CABP7: variants seen among roughly 807,000 people sequenced by gnomAD.
CABP7 encodes the protein calcium binding protein 7.
CABP7 carries 13 observed loss-of-function variants against 23.1 expected under a neutral mutation model. The observed-to-expected ratio is 0.56, with a 90% CI of 0.37 to 0.90. The LOEUF is 0.90. Among genes scored for constraint, CABP7 ranks in the 40% least tolerant of loss-of-function variants. The probability of loss-of-function intolerance (pLI) is 0.01; values close to 1 mark genes in which losing one functional copy is unlikely to be tolerated. For synonymous variants in CABP7, 123 were observed against 115.3 expected (o/e 1.07, Z -0.43); for missense variants, 248 against 295.6 (o/e 0.84, Z 1.18).
Position 29,727,921 on chromosome 22 carries a change from C to A in CABP7, c.253+116C>A. On this transcript the variant is annotated intron_variant, in intron 2 of 4. Transcript: ENST00000216144. The surrounding 1 kb of genome is among the most constrained non-coding windows in gnomAD (Gnocchi z 4.2). ...CAAATTGGGTCTCTCGCTCCCCTGA[C>A]TCCCACCCTCAAAGTCCGTGGCAGG... 8.3e-7 allele frequency: 1 copy of A among 1,197,750 alleles called. No homozygotes were observed. Among genetic ancestry groups the A allele is most frequent in the Non-Finnish European group, 1.1e-6 (1 of 876,900 alleles). The allele number at this position is 1,197,750 out of a possible 1,614,324, so 74.2% of individuals were successfully genotyped here. A position where few individuals can be genotyped will look rare whatever the true frequency, so the allele number is the denominator to read the frequency against.
In CABP7 at chr22:29,727,593, C is replaced by T; in HGVS notation, c.110-69C>T. 1 of 1,596,976 alleles carries T rather than the reference C, an allele frequency of 6.3e-7. No individual in the cohort carries two copies. ...TGCTCAGGCTGCAGGGTCGGTGATCCTGGGGGTCTGGAAAGGGGGTCTGTT... is the reference window on the plus strand; with the variant it reads ...TGCTCAGGCTGCAGGGTCGGTGATCTTGGGGGTCTGGAAAGGGGGTCTGTT... On this transcript the variant is annotated intron_variant, in intron 1 of 4. Coordinates refer to ENST00000216144, the MANE Select transcript of CABP7 (RefSeq NM_182527.3). The surrounding 1 kb of genome is among the most constrained non-coding windows in gnomAD (Gnocchi z 4.2).
At chr22:29,722,726 G>C (rs1467469262) in intron 1 of CABP7, among the ~76,000 whole-genome samples, 1 of 152,258 alleles carries the variant, frequency 6.6e-6, no homozygotes, top group Non-Finnish European at 1.5e-5. Context: ...GGCCTCATGA[G>C]TGCTCCTGCC....
chr22:29,722,969 G>C (rs1192972939), intron 1 of CABP7, among the ~76,000 whole-genome samples: 2 of 152,234 alleles, frequency 1.3e-5, no homozygotes, highest in African/African-American at 4.8e-5. Context: ...CGCTGGGTTT[G>C]AGTCTCTGCA....
rs907635817 is a variant in CABP7, at chr22:29,727,880, C to T, written c.253+75C>T. On this transcript the variant is annotated intron_variant, in intron 2 of 4. Coordinates refer to ENST00000216144, the MANE Select transcript of CABP7 (RefSeq NM_182527.3). This position sits in a 1 kb window ranked among gnomAD's most constrained non-coding sequence, Gnocchi z 4.2. ...GGTGGGGCAGGGGCTGGGGCCTGAG[C>T]TGCTGAGGCTGCATCCAAATTGGGT... 2.0e-6 allele frequency: 3 copies of T among 1,492,528 alleles called. No homozygotes were observed. The highest frequency in any genetic ancestry group is 1.8e-6 in the Non-Finnish European group (2 of 1,111,590). The allele number at this position is 1,492,528 out of a possible 1,614,324, so 92.5% of individuals were successfully genotyped here.
chr22:29,730,687 G>A lies in CABP7; in HGVS notation c.*1118G>A, dbSNP rs113970982. The stretch of plus-strand genomic sequence containing the variant: ...GCAGCAGCTCAGCATGGGCAGACAT[G>A]GGGGCTGTGGATTCTTCCAGGGCGG... On this transcript the variant is annotated 3_prime_UTR_variant, in exon 5 of 5. Transcript: ENST00000216144. The A allele has an allele frequency of 0.013, 2,025 of 152,550 alleles. 47 individuals are homozygous for A. The highest frequency in any genetic ancestry group is 0.044 in the African/African-American group (1,832 of 41,590). 9.4% of individuals were successfully genotyped at this position (152,550 alleles called of 1,614,324 possible).
Position 29,731,427 on chromosome 22 carries a change from T to C in CABP7, c.*1858T>C. ...AGGCTTATGCCACCCCCAGCCCACC[T>C]GCCTCACCACCCTGGCTGTGGGGAG... On this transcript the variant is annotated 3_prime_UTR_variant, in exon 5 of 5. Transcript: ENST00000216144. 2.0e-6 allele frequency: 3 copies of C among 1,502,066 alleles called. No homozygotes were observed. Among genetic ancestry groups the C allele is most frequent in the Non-Finnish European group, 2.6e-6 (3 of 1,141,308 alleles). 93.0% of individuals were successfully genotyped at this position (1,502,066 alleles called of 1,614,324 possible). A position where few individuals can be genotyped will look rare whatever the true frequency, so the allele number is the denominator to read the frequency against.
chr22:29,723,426 T>C (rs1260246628), intron 1 of CABP7, among the ~76,000 whole-genome samples: 3 of 152,186 alleles, frequency 2.0e-5, no homozygotes. Flanking sequence ...TTTTCCAACA[T>C]ACACACACAG....
intron 1 of CABP7, among the ~76,000 whole-genome samples, chr22:29,726,709 G>A (rs2067797750): frequency 6.6e-6 from 1 of 152,212 alleles, no homozygotes; most frequent in African/African-American, 2.4e-5. Context: ...CAAACAAGGA[G>A]ACCCCCGGGA....
At chr22:29,726,668 C>T (rs7287478) in intron 1 of CABP7, among the ~76,000 whole-genome samples, 55,626 of 152,160 alleles carry the variant, frequency 0.37, 11,379 homozygotes, top group African/African-American at 0.56. Context: ...CCCAGGGGAA[C>T]AGCTTAGGCA....
rs747560653 is a variant in CABP7 at position 29,729,430 on chromosome 22, G to A, written c.521-12G>A. 9.9e-6 allele frequency: 16 copies of A among 1,608,230 alleles called. No individual in the cohort carries two copies. The highest frequency in any genetic ancestry group is 1.7e-4 in the Middle Eastern group (1 of 6,052). ...CTTCTGTCTCCCCGGTGCTCCCGGC[G>A]GGCGGCCACAGCCTGCTCCAACCAG... On this transcript the variant is annotated splice_polypyrimidine_tract_variant and intron_variant, in intron 4 of 4. Transcript: ENST00000216144.
chr22:29,724,257 G>T (rs2067780893), intron 1 of CABP7, among the ~76,000 whole-genome samples: 1 of 152,310 alleles, frequency 6.6e-6, no homozygotes, highest in Middle Eastern at 3.4e-3. Context: ...AGAGGGACGT[G>T]ACTTGCCCAG....
intron 1 of CABP7, among the ~76,000 whole-genome samples, chr22:29,722,412 T>C (rs1465311429): frequency 6.6e-6 from 1 of 152,180 alleles, no homozygotes; most frequent in Non-Finnish European, 1.5e-5. Flanking sequence ...TTCTCTCCTG[T>C]CCCCTTCTCC....
intron 1 of CABP7, among the ~76,000 whole-genome samples, chr22:29,722,296 G>A (rs1441320327): frequency 6.6e-6 from 1 of 152,236 alleles, no homozygotes; most frequent in African/African-American, 2.4e-5. Flanking sequence ...GGGGCCGCAG[G>A]GTGGGCAGTG....
chr22:29,722,312 G>T (rs1297704286), intron 1 of CABP7, among the ~76,000 whole-genome samples: 2 of 152,208 alleles, frequency 1.3e-5, no homozygotes, highest in Non-Finnish European at 2.9e-5. Context: ...CAGTGCAGGG[G>T]CAAGGCCGCA....
Position 29,727,793 on chromosome 22 carries a change from C to G in CABP7, c.241C>G (p.Leu81Val). ...EVELEVIIQR[L>V]DMDGDGQVDF... ...GGAGCTGGAGGTCATCATCCAGCGG[C>G]TGGACATGGATGGTGAGCACCCCCC... The change falls in exon 2 of 5, where the codon CTG (leucine) becomes GTG (valine). Residue 81 changes from leucine (L) to valine (V), a missense_variant. Physicochemically the swap from Leu to Val is conservative, Grantham distance 32 (BLOSUM62 1). Transcript: ENST00000216144. The surrounding 1 kb of genome is among the most constrained non-coding windows in gnomAD (Gnocchi z 4.2). The G allele has an allele frequency of 1.9e-6, 3 of 1,610,524 alleles. No homozygotes were observed. The highest frequency in any genetic ancestry group is 1.7e-4 in the Middle Eastern group (1 of 5,894).
Position 29,720,921 on chromosome 22 carries a change from G to T in CABP7, c.109+388G>T, listed in dbSNP as rs894625413. On this transcript the variant is annotated intron_variant, in intron 1 of 4. Coordinates refer to ENST00000216144, the MANE Select transcript of CABP7 (RefSeq NM_182527.3). This position sits in a 1 kb window ranked among gnomAD's most constrained non-coding sequence, Gnocchi z 5.2. ...CCCGCATCCTGATCCCCTCCGCGGC[G>T]CCCGCCCGCGGCTCTCTGCTCGCAT... Among the ~76,000 whole-genome samples, 1 of 151,720 alleles carries T rather than the reference G, an allele frequency of 6.6e-6. No individual in the cohort carries two copies. Among genetic ancestry groups the T allele is most frequent in the Non-Finnish European group, 1.5e-5 (1 of 67,870 alleles).
In CABP7 at chr22:29,727,442, G is replaced by T. The variant is rs1002906254; in HGVS notation, c.110-220G>T. 6.6e-6 allele frequency among the ~76,000 whole-genome samples: 1 copy of T among 152,200 alleles called. No individual in the cohort carries two copies. Among genetic ancestry groups the T allele is most frequent in the Admixed American group, 6.5e-5 (1 of 15,284 alleles). On this transcript the variant is annotated intron_variant, in intron 1 of 4. Coordinates refer to ENST00000216144, the MANE Select transcript of CABP7 (RefSeq NM_182527.3). The surrounding 1 kb of genome is among the most constrained non-coding windows in gnomAD (Gnocchi z 4.2). ...CAGATCCCAAGAGGTCACTGCTGGG[G>T]GGCCTTGAGCCCTGCTTTACTGCCC...
chr22:29,721,483 A>G (rs1416040690), intron 1 of CABP7, among the ~76,000 whole-genome samples: 2 of 151,896 alleles, frequency 1.3e-5, no homozygotes, highest in African/African-American at 4.8e-5. Flanking sequence ...TGGGATCTGC[A>G]TGTCTGCTGT....
chr22:29,731,537 C>T lies in CABP7; in HGVS notation c.*1968C>T. On this transcript the variant is annotated 3_prime_UTR_variant, in exon 5 of 5. Coordinates refer to ENST00000216144, the MANE Select transcript of CABP7 (RefSeq NM_182527.3). Reference sequence around the variant, plus strand: ...GAGCCAGCGACCTCACCTCTAGGAACTGAGCCCAAGGAAATAGCGGGGTTG... The same window carrying T: ...GAGCCAGCGACCTCACCTCTAGGAATTGAGCCCAAGGAAATAGCGGGGTTG... The T allele has an allele frequency of 1.5e-6, 1 of 688,992 alleles. No individual in the cohort carries two copies. The highest frequency in any genetic ancestry group is 2.2e-6 in the Non-Finnish European group (1 of 449,564). 42.7% of individuals were successfully genotyped at this position (688,992 alleles called of 1,614,324 possible).
Sources: gnomAD v4.1 joint callset for allele counts (sites outside exome capture counted in the v4.1 genomes callset) on GRCh38, gnomAD v4.1.1 for gene constraint, Gnocchi (gnomAD v3.1) non-coding constraint, MANE v1.5 for transcripts, NCBI Gene and HGNC (gene_info 2026-07-23, HGNC 2026-07-21) for gene names.